FAM149A: variants seen among roughly 807,000 people sequenced by gnomAD.
FAM149A encodes family with sequence similarity 149 member A.
Under a neutral mutation model 78.2 loss-of-function variants are expected in FAM149A, and 71 were observed. The observed-to-expected ratio is 0.91, with a 90% CI of 0.75 to 1.11. The LOEUF is 1.11. Ranked by LOEUF, FAM149A falls within the 50% of genes least tolerant of loss-of-function variation. The probability of loss-of-function intolerance (pLI) is 0.00; values close to 1 mark genes in which losing one functional copy is unlikely to be tolerated. For missense variants in FAM149A, 1,036 were observed against 971.0 expected, an observed-to-expected ratio of 1.07 and a Z score of -0.89; for synonymous variants, 446 against 410.5, an observed-to-expected ratio of 1.09 and a Z score of -1.04.
At chr4:186,116,317 C>T (rs567661928) in intron 1 of FAM149A, 5 of 278,004 alleles carry the variant, frequency 1.8e-5, no homozygotes, top group Admixed American at 6.6e-5. Flanking sequence ...GAGATGCACC[C>T]GGTACCTCAG....
intron 1 of FAM149A, chr4:186,125,504 CA>C (rs1245112036): frequency 8.6e-6 from 3 of 347,528 alleles, no homozygotes; most frequent in East Asian, 3.4e-4. Flanking sequence ...AGCCAGCCAG[CA>C]ATCAGTGACA....
chr4:186,165,426 G>C lies in FAM149A; in HGVS notation c.1972G>C (p.Gly658Arg), dbSNP rs765597369. 2.5e-6 allele frequency: 4 copies of C among 1,614,004 alleles called. No individual in the cohort carries two copies. Among genetic ancestry groups the C allele is most frequent in the Non-Finnish European group, 3.4e-6 (4 of 1,180,008 alleles). Residue 658 changes from glycine (G) to arginine (R), a missense_variant, in exon 11 of 14, where the codon GGG (glycine) becomes CGG (arginine). Gly to Arg is a moderately radical substitution (Grantham distance 125). Around this residue, in one of 3 missense-constraint regions of FAM149A, gnomAD observed 716 missense variants for 711.8 expected, o/e 1.01. Coordinates refer to ENST00000389354, the MANE Select transcript of FAM149A (RefSeq NM_001367768.3). ...CCCCCCGCTAGTCACGGAGACCAGG[G>C]GGCAGAATACAGCAGTTCCTGGATG...
chr4:186,136,948 C>CTCTCTCTCTCTCTT, intron 1 of FAM149A, among the ~76,000 whole-genome samples: 1 of 125,682 alleles, frequency 8.0e-6, no homozygotes, highest in Non-Finnish European at 1.6e-5. Context: ...CTCTCTCTCT[C>CTCTCTCTCTCTCTT]TCTCTCTCTC....
At chr4:186,150,488 C>T (rs56219167) in intron 3 of FAM149A, among the ~76,000 whole-genome samples, 5 of 124,528 alleles carry the variant, frequency 4.0e-5, no homozygotes, top group Non-Finnish European at 3.3e-5. Context: ...GGCGCGATCT[C>T]GGCTCACTGC....
At chr4:186,128,474 A>T (rs561407311) in intron 1 of FAM149A, among the ~76,000 whole-genome samples, 55 of 140,758 alleles carry the variant, frequency 3.9e-4, no homozygotes, top group Middle Eastern at 3.7e-3. Flanking sequence ...TAAATATTAT[A>T]AAAAAAAAAA....
chr4:186,115,405 A>G (rs2099313084), intron 1 of FAM149A, among the ~76,000 whole-genome samples: 1 of 149,372 alleles, frequency 6.7e-6, no homozygotes, highest in South Asian at 2.2e-4. Flanking sequence ...CGTCAAAGTC[A>G]TTCTCCATCC....
At chr4:186,156,714 C>T (rs1734055922) in intron 7 of FAM149A, among the ~76,000 whole-genome samples, 1 of 152,072 alleles carries the variant, frequency 6.6e-6, no homozygotes, top group African/African-American at 2.4e-5. Flanking sequence ...CATGGTGACT[C>T]AGAACTTTGG....
intron 1 of FAM149A, chr4:186,124,038 G>T: frequency 6.1e-6 from 6 of 981,198 alleles, no homozygotes; most frequent in Non-Finnish European, 7.2e-6. Context: ...GAGAAACTTG[G>T]TAGTGGGTGG....
At chr4:186,168,741 G>A (rs916348046) in intron 13 of FAM149A, among the ~76,000 whole-genome samples, 1 of 152,220 alleles carries the variant, frequency 6.6e-6, no homozygotes, top group Admixed American at 6.5e-5. Context: ...GGTGTATCAA[G>A]TGCTCACTCT....
At chr4:186,127,265 T>C (rs911971359) in intron 1 of FAM149A, 39 of 975,392 alleles carry the variant, frequency 4.0e-5, no homozygotes, top group Non-Finnish European at 4.8e-5. Flanking sequence ...AACTCAGAGC[T>C]TCGGTTTCTT....
At chr4:186,153,372 G>T in intron 4 of FAM149A, 1 of 969,404 alleles carries the variant, frequency 1.0e-6, no homozygotes, top group Non-Finnish European at 1.2e-6. Flanking sequence ...CCATTCATCA[G>T]CCCTGCAAGG....
chr4:186,143,663 G>A (rs2126423437), intron 1 of FAM149A, among the ~76,000 whole-genome samples: 1 of 152,164 alleles, frequency 6.6e-6, no homozygotes, highest in Non-Finnish European at 1.5e-5. Context: ...CTGAGTAGCT[G>A]GAATTACAGG....
intron 4 of FAM149A, among the ~76,000 whole-genome samples, chr4:186,153,078 A>G (rs1033299053): frequency 6.6e-5 from 10 of 151,522 alleles, no homozygotes; most frequent in Admixed American, 5.3e-4. Context: ...AGAGTATGAT[A>G]TGTCCACTAG....
chr4:186,105,575 C>T lies in FAM149A; in HGVS notation c.499C>T (p.Leu167=), dbSNP rs2099308405. The T allele has an allele frequency of 9.2e-6, 10 of 1,089,492 alleles. No individual in the cohort carries two copies. Among genetic ancestry groups the T allele is most frequent in the Non-Finnish European group, 1.1e-5 (10 of 890,934 alleles). The allele number at this position is 1,089,492 out of a possible 1,614,324, so 67.5% of individuals were successfully genotyped here. A position where few individuals can be genotyped will look rare whatever the true frequency, so the allele number is the denominator to read the frequency against. ...GGCCCCCGGGGCTGGCCCCAGAACCCTGTTCCTTACGCTGCCTGACATCGG... is the reference window on the plus strand; with the variant it reads ...GGCCCCCGGGGCTGGCCCCAGAACCTTGTTCCTTACGCTGCCTGACATCGG... The change falls in exon 1 of 14, where the codon CTG becomes TTG. Residue 167 remains leucine, a synonymous_variant. Coordinates refer to ENST00000389354, the MANE Select transcript of FAM149A (RefSeq NM_001367768.3).
rs141541975 is a variant in FAM149A at position 186,116,383 on chromosome 4, C to T, written c.566+10741C>T. The stretch of plus-strand genomic sequence containing the variant: ...GTCACTCACGCTGGGAGCTGTAGAC[C>T]GGAGCTGTTCCTATTTGGCCATCTT... On this transcript the variant is annotated intron_variant, in intron 1 of 13. Coordinates refer to ENST00000389354, the MANE Select transcript of FAM149A (RefSeq NM_001367768.3). 7.5e-5 allele frequency: 57 copies of T among 760,570 alleles called. No individual in the cohort carries two copies. In the East Asian group the frequency reaches 1.5e-3, roughly 21 times the overall value. The allele number at this position is 760,570 out of a possible 1,614,324, so 47.1% of individuals were successfully genotyped here.
chr4:186,153,401 T>C, intron 4 of FAM149A: 1 of 984,748 alleles, frequency 1.0e-6, no homozygotes. Flanking sequence ...ATTATCCTGT[T>C]TTGCAAATGA....
rs1186668439 is a variant in FAM149A at position 186,167,179 on chromosome 4, A to G, written c.2140-5A>G. ...TTGTCCCTGATTTTATTTTTCTTCCAGCAGTCGGATACGCCTCGAAAAAGT... is the reference window on the plus strand; with the variant it reads ...TTGTCCCTGATTTTATTTTTCTTCCGGCAGTCGGATACGCCTCGAAAAAGT... On this transcript the variant is annotated splice_region_variant and splice_polypyrimidine_tract_variant and intron_variant, in intron 12 of 13. Transcript: ENST00000389354. 1.2e-6 allele frequency: 2 copies of G among 1,608,274 alleles called. No individual in the cohort carries two copies. The highest frequency in any genetic ancestry group is 1.1e-5 in the South Asian group (1 of 90,914).
intron 1 of FAM149A, among the ~76,000 whole-genome samples, chr4:186,140,878 T>C (rs1049321575): frequency 6.6e-6 from 1 of 152,268 alleles, no homozygotes; most frequent in African/African-American, 2.4e-5. Flanking sequence ...TGTATATATC[T>C]GTATAAAGAG....
rs547368064 is a variant in FAM149A at position 186,161,250 on chromosome 4, C to T, written c.1576-1595C>T. ...CAAGCCCTAAATGACAGGTGTGATT[C>T]GTTAACATGAGAAAGGAAGGGAGGC... On this transcript the variant is annotated intron_variant, in intron 8 of 13. Coordinates refer to ENST00000389354, the MANE Select transcript of FAM149A (RefSeq NM_001367768.3). 2.6e-5 allele frequency among the ~76,000 whole-genome samples: 4 copies of T among 152,178 alleles called. No homozygotes were observed. The South Asian group carries it at 6.2e-4, about 24-fold the overall frequency.
Sources: allele counts gnomAD v4.1 joint callset (sites outside exome capture counted in the v4.1 genomes callset), GRCh38; gene constraint gnomAD v4.1.1; regional missense constraint gnomAD v4.1.1; transcripts MANE v1.5; gene names NCBI Gene and HGNC (gene_info 2026-07-23, HGNC 2026-07-21).